Variants in ADGRE1 observed in about 807,000 individuals in gnomAD.
ADGRE1 encodes adhesion G protein-coupled receptor E1, also known as EGF-like module receptor 1.
ADGRE1 carries 82 observed loss-of-function variants against 102.7 expected under a neutral mutation model. That is an observed-to-expected ratio of 0.80 (90% CI 0.67 to 0.96). The LOEUF is 0.96. ADGRE1 is among the 40% of genes least tolerant of loss of function. The probability of loss-of-function intolerance (pLI) is 0.00; values close to 1 mark genes in which losing one functional copy is unlikely to be tolerated. For synonymous variants in ADGRE1, 398 were observed against 399.6 expected, an observed-to-expected ratio of 1.00 and a Z score of 0.05; for missense variants, 1,032 against 1,085.3, an observed-to-expected ratio of 0.95 and a Z score of 0.69.
At chr19:6,914,788 A>AG (rs1974315560) in intron 11 of ADGRE1, among the ~76,000 whole-genome samples, 1 of 152,154 alleles carries the variant, frequency 6.6e-6, no homozygotes, top group African/African-American at 2.4e-5. Flanking sequence ...GATTACAGGG[A>AG]GAGTTGCTAT....
At chr19:6,938,046 A>G (rs1266120731) in intron 20 of ADGRE1, among the ~76,000 whole-genome samples, 2 of 151,764 alleles carry the variant, frequency 1.3e-5, no homozygotes, top group East Asian at 1.9e-4. Context: ...AAGTTTAAAT[A>G]TAGATACCGG....
At chr19:6,910,665 G>A (rs1013533788) in intron 10 of ADGRE1, among the ~76,000 whole-genome samples, 4 of 142,618 alleles carry the variant, frequency 2.8e-5, no homozygotes, top group African/African-American at 7.6e-5. Flanking sequence ...TCCGCCTCCC[G>A]GGTTCATGCC....
intron 10 of ADGRE1, among the ~76,000 whole-genome samples, chr19:6,909,971 C>G (rs891249302): frequency 1.1e-4 from 16 of 151,212 alleles, no homozygotes; most frequent in African/African-American, 3.1e-4. Context: ...CGACCTCAGG[C>G]GATCCACCTG....
chr19:6,915,582 C>T (rs1325573444), intron 11 of ADGRE1, among the ~76,000 whole-genome samples: 2 of 152,056 alleles, frequency 1.3e-5, no homozygotes, highest in African/African-American at 4.8e-5. Flanking sequence ...TCTTGTGTAC[C>T]ATGCTAGGCT....
At chr19:6,926,055 C>T (rs978740179) in intron 15 of ADGRE1, among the ~76,000 whole-genome samples, 3 of 152,118 alleles carry the variant, frequency 2.0e-5, no homozygotes, top group Admixed American at 6.6e-5. Context: ...TTGCTGAACC[C>T]GCCTGTTTTC....
chr19:6,922,485 C>G (rs1032575046), intron 14 of ADGRE1, among the ~76,000 whole-genome samples: 6 of 151,792 alleles, frequency 4.0e-5, no homozygotes, highest in African/African-American at 1.5e-4. Context: ...CATGGTGGTG[C>G]ATGCCTGTTG....
rs2228533 is a variant in ADGRE1, at chr19:6,901,912, G to T, written c.552G>T (p.Glu184Asp). Residue 184 changes from glutamate to aspartate, a missense_variant, in exon 6 of 21, where the codon GAG (glutamate) becomes GAT (aspartate). By Grantham distance (45) the Glu-to-Asp change is conservative. Transcript: ENST00000312053. ...GTGCAGATCCAAGAGCTTGCCCAGA[G>T]CATGCAACTTGTAATAACACTGTTG... ...DECADPRACPEHATCNNTVGN... is the reference protein window; with the variant it reads ...DECADPRACPDHATCNNTVGN... 0.017 allele frequency: 26,711 copies of T among 1,614,168 alleles called. 275 individuals are homozygous for T. The highest frequency in any genetic ancestry group is 0.019 in the Non-Finnish European group (22,471 of 1,180,030).
intron 9 of ADGRE1, 21 bp from the exon 10 acceptor site, chr19:6,908,664 CTTTT>C (rs34044572): frequency 1.5e-6 from 2 of 1,350,516 alleles, no homozygotes; most frequent in Non-Finnish European, 2.0e-6. Flanking sequence ...CACAAATGCT[CTTTT>C]TTTTTTTTTC....
At chr19:6,891,548 G>A (rs1273993261) in intron 2 of ADGRE1, among the ~76,000 whole-genome samples, 2 of 151,662 alleles carry the variant, frequency 1.3e-5, no homozygotes, top group African/African-American at 2.4e-5. Context: ...CCGCCTTCCA[G>A]GTTCACGCCA....
At chr19:6,900,863 T>G (rs1422423625) in intron 5 of ADGRE1, among the ~76,000 whole-genome samples, 3 of 152,224 alleles carry the variant, frequency 2.0e-5, no homozygotes, top group Non-Finnish European at 4.4e-5. Context: ...AATTAGTGTC[T>G]AAAAACAACC....
chr19:6,897,561 T>A lies in ADGRE1; in HGVS notation c.514+14T>A, dbSNP rs368331175. 5.2e-6 allele frequency: 8 copies of A among 1,526,258 alleles called. No homozygotes were observed. Among genetic ancestry groups the A allele is most frequent in the Non-Finnish European group, 7.0e-6 (8 of 1,141,592 alleles). The allele number at this position is 1,526,258 out of a possible 1,614,324, so 94.5% of individuals were successfully genotyped here. ...CCACCTGTGAAGGTATCCATGACCA[T>A]CTCTTTATTATTTACCTACTTAATT... On this transcript the variant is annotated intron_variant, in intron 5 of 20. Transcript: ENST00000312053.
At chr19:6,912,160 A>G (rs940417168) in intron 10 of ADGRE1, among the ~76,000 whole-genome samples, 1 of 152,048 alleles carries the variant, frequency 6.6e-6, no homozygotes, top group African/African-American at 2.4e-5. Context: ...AGACATACAC[A>G]GAGATATACA....
chr19:6,913,217 C>T (rs1974261626), intron 10 of ADGRE1, among the ~76,000 whole-genome samples: 3 of 152,014 alleles, frequency 2.0e-5, no homozygotes, highest in Admixed American at 1.3e-4. Context: ...CTCTCACTGT[C>T]GCCCAGGCTG....
At chr19:6,896,656 A>G in intron 3 of ADGRE1, 115 bp downstream of exon 3, 1 of 1,242,232 alleles carries the variant, frequency 8.1e-7, no homozygotes, top group South Asian at 1.5e-5. Context: ...AATCTGGTTT[A>G]ACTATATATT....
At chr19:6,937,830 C>A (rs1286276714) in intron 20 of ADGRE1, among the ~76,000 whole-genome samples, 182 bp downstream of exon 20, 1 of 151,912 alleles carries the variant, frequency 6.6e-6, no homozygotes, top group Non-Finnish European at 1.5e-5. Context: ...CAGACACACA[C>A]ACATTATCTA....
At position 6,924,845 on chromosome 19, in the gene ADGRE1, C is replaced by T. The variant is rs1460101498; in HGVS notation, c.1959C>T (p.Leu653=). The T allele has an allele frequency of 6.8e-6, 11 of 1,614,036 alleles. No individual in the cohort carries two copies. Among genetic ancestry groups the T allele is most frequent in the East Asian group, 2.2e-5 (1 of 44,894 alleles). Residue 653 remains leucine, a synonymous_variant, in exon 15 of 21, where the codon CTC becomes CTT. Coordinates refer to ENST00000312053, the MANE Select transcript of ADGRE1 (RefSeq NM_001974.5). ...VCLLLAKTLF[L]AGIHKTDNKM... ...TCCTCTTGGCGAAGACTCTCTTCCTCGCCGGTATACACAAGACTGACAACA... is the reference window on the plus strand; with the variant it reads ...TCCTCTTGGCGAAGACTCTCTTCCTTGCCGGTATACACAAGACTGACAACA...
At chr19:6,936,797 AT>A (rs1262022926) in intron 18 of ADGRE1, among the ~76,000 whole-genome samples, 3 of 151,884 alleles carry the variant, frequency 2.0e-5, no homozygotes, top group African/African-American at 4.8e-5. Flanking sequence ...TAATTTTTCT[AT>A]TTTTAGTAGA....
At position 6,935,083 on chromosome 19, in the gene ADGRE1, A is replaced by C. The variant is rs1399838761; in HGVS notation, c.2381+5A>C. 6.4e-7 allele frequency: 1 copy of C among 1,556,412 alleles called. No individual in the cohort carries two copies. Among genetic ancestry groups the C allele is most frequent in the Admixed American group, 2.0e-5 (1 of 50,566 alleles). ...CTCAACGCTAAAAGACACCAGGTAA[A>C]GCCCTCTTTCACCTCCCCCCCTCTT... On this transcript the variant is annotated splice_donor_5th_base_variant and intron_variant, in intron 18 of 20. Transcript: ENST00000312053.
chr19:6,925,989 C>T (rs1693131410), intron 15 of ADGRE1, among the ~76,000 whole-genome samples: 2 of 152,176 alleles, frequency 1.3e-5, no homozygotes, highest in Non-Finnish European at 2.9e-5. Context: ...TGAGCCACCA[C>T]ACCCAGCCAG....
Sources: gnomAD v4.1 joint callset for allele counts (sites outside exome capture counted in the v4.1 genomes callset) on GRCh38, gnomAD v4.1.1 for gene constraint, MANE v1.5 for transcripts, NCBI Gene and HGNC (gene_info 2026-07-23, HGNC 2026-07-21) for gene names.